The following AFAP1L2 variants were observed in gnomAD, a reference collection of about 807,000 sequenced individuals.
The protein encoded by AFAP1L2 is actin filament-associated protein 1-like 2.
AFAP1L2 carries 46 observed loss-of-function variants against 99.3 expected under a neutral mutation model. That is an observed-to-expected ratio of 0.46 (90% CI 0.37 to 0.59). The LOEUF (loss-of-function observed/expected upper bound fraction) is 0.59, where lower values mean the gene tolerates loss of function less well. Ranked by LOEUF, AFAP1L2 falls within the 20% of genes least tolerant of loss-of-function variation. The pLI is 0.00. For synonymous variants in AFAP1L2, 397 were observed against 419.1 expected (o/e 0.95, Z 0.64); for missense variants, 959 against 1,034.9 (o/e 0.93, Z 1.01).
chr10:114,326,231 T>C lies in AFAP1L2; in HGVS notation c.316-2970A>G, dbSNP rs144674502. Among the ~76,000 whole-genome samples the C allele has an allele frequency of 3.5e-3, 540 of 152,226 alleles. 4 individuals carry two copies. The highest frequency in any genetic ancestry group is 0.012 in the African/African-American group (493 of 41,524). On this transcript the variant is annotated intron_variant, in intron 4 of 18. Transcript: ENST00000304129. ...TCAGAGAAGTTTGAGCTACGCGAGG[T>C]GTGCAAAATGTATCAAGCCCAGGAG... is the stretch of plus-strand genomic sequence containing the variant.
downstream of AFAP1L2, chr10:114,291,102 G>A: frequency 8.2e-7 from 1 of 1,214,360 alleles, no homozygotes; most frequent in East Asian, 2.6e-5. Context: ...ATCTTCTGCT[G>A]GGGGCGAGGT....
chr10:114,376,027 C>T (rs1055502699), intron 1 of AFAP1L2, among the ~76,000 whole-genome samples: 1 of 152,074 alleles, frequency 6.6e-6, no homozygotes, highest in African/African-American at 2.4e-5. Flanking sequence ...ATACTCCAGT[C>T]CTCTAAGAGT....
intron 2 of AFAP1L2, among the ~76,000 whole-genome samples, chr10:114,337,940 C>T (rs115357601): frequency 2.9e-4 from 44 of 152,162 alleles, no homozygotes; most frequent in African/African-American, 9.7e-4. Flanking sequence ...TGTGTTCCCA[C>T]GATGGGCTGC....
chr10:114,362,348 T>C (rs1398921717), intron 1 of AFAP1L2, among the ~76,000 whole-genome samples: 1 of 152,168 alleles, frequency 6.6e-6, no homozygotes, highest in East Asian at 1.9e-4. Context: ...TGTAATTAGA[T>C]TAAGGATCTT....
chr10:114,378,941 G>C (rs1391735581), intron 1 of AFAP1L2, among the ~76,000 whole-genome samples: 1 of 152,086 alleles, frequency 6.6e-6, no homozygotes, highest in Non-Finnish European at 1.5e-5. Flanking sequence ...AACAGGCACA[G>C]CAGCTCATGC....
intron 1 of AFAP1L2, among the ~76,000 whole-genome samples, chr10:114,386,491 C>T (rs2056515803): frequency 6.6e-6 from 1 of 152,222 alleles, no homozygotes; most frequent in African/African-American, 2.4e-5. Flanking sequence ...TGCTTAATAT[C>T]AACAAGGCAG....
intron 2 of AFAP1L2, among the ~76,000 whole-genome samples, chr10:114,340,249 G>A (rs1002390200): frequency 1.1e-4 from 17 of 152,062 alleles, no homozygotes; most frequent in Non-Finnish European, 2.2e-4. Context: ...GAGCCCAGGA[G>A]GTTGAGGCTA....
At chr10:114,369,111 T>C (rs978610805) in intron 1 of AFAP1L2, among the ~76,000 whole-genome samples, 2 of 152,148 alleles carry the variant, frequency 1.3e-5, no homozygotes, top group African/African-American at 4.8e-5. Flanking sequence ...TGGGTGTTCC[T>C]CATGACAGTG....
chr10:114,284,405 A>G, the AFAP1L2 span, among the ~76,000 whole-genome samples: 1 of 152,198 alleles, frequency 6.6e-6, no homozygotes, highest in African/African-American at 2.4e-5. Context: ...TGCCGGAGGA[A>G]GTGGAAGAGG....
the AFAP1L2 span, chr10:114,285,003 CT>C: frequency 6.6e-7 from 1 of 1,510,650 alleles, no homozygotes; most frequent in Non-Finnish European, 8.9e-7. Context: ...AGACTGACCA[CT>C]GGGGAGCAAG....
In AFAP1L2 at chr10:114,295,488, C is replaced by T; in HGVS notation, c.*554G>A. The T allele has an allele frequency of 1.0e-6, 1 of 965,194 alleles. No homozygotes were observed. The highest frequency in any genetic ancestry group is 4.8e-5 in the South Asian group (1 of 20,914). The allele number at this position is 965,194 out of a possible 1,614,324, so 59.8% of individuals were successfully genotyped here. On this transcript the variant is annotated 3_prime_UTR_variant, in exon 19 of 19. Transcript: ENST00000304129. The stretch of plus-strand genomic sequence containing the variant: ...AAAACTCATGTCATAGATGGTTTTA[C>T]AGATGATGGTTTTACAGATGATGTC...
At chr10:114,305,723 C>A (rs2042191889) in intron 10 of AFAP1L2, among the ~76,000 whole-genome samples, 1 of 107,080 alleles carries the variant, frequency 9.3e-6, no homozygotes. Context: ...GACGGGGCTA[C>A]AGGAGGAGAT....
At chr10:114,374,451 G>A (rs763961329) in intron 1 of AFAP1L2, among the ~76,000 whole-genome samples, 1 of 152,160 alleles carries the variant, frequency 6.6e-6, no homozygotes, top group Admixed American at 6.5e-5. Flanking sequence ...CTGCCCTGGA[G>A]CCTCTTCATG....
chr10:114,389,763 G>A (rs1398475737), intron 1 of AFAP1L2, among the ~76,000 whole-genome samples: 2 of 152,220 alleles, frequency 1.3e-5, no homozygotes, highest in Admixed American at 6.5e-5. Context: ...GTCAAACGTA[G>A]GGATAGTCTG....
chr10:114,289,640 C>A, the AFAP1L2 span: 1 of 832,140 alleles, frequency 1.2e-6, no homozygotes, highest in East Asian at 2.5e-5. Context: ...CCCATGCTCA[C>A]ATAAAATCCT....
chr10:114,335,338 C>T (rs1016675477), intron 2 of AFAP1L2, among the ~76,000 whole-genome samples: 16 of 152,010 alleles, frequency 1.1e-4, no homozygotes, highest in South Asian at 2.1e-4. Flanking sequence ...TATGGCCGGG[C>T]ACGGTGGCTC....
chr10:114,285,000 C>G, the AFAP1L2 span: 1 of 1,516,530 alleles, frequency 6.6e-7, no homozygotes, highest in Non-Finnish European at 8.9e-7. Flanking sequence ...GCAAGACTGA[C>G]CACTGGGGAG....
At chr10:114,284,858 G>C in the AFAP1L2 span, 1 of 1,605,416 alleles carries the variant, frequency 6.2e-7, no homozygotes, top group South Asian at 1.1e-5. Context: ...GCATCTCTCT[G>C]ATAGGCCCCT....
chr10:114,368,397 G>A (rs201416115), intron 1 of AFAP1L2, among the ~76,000 whole-genome samples: 1 of 152,060 alleles, frequency 6.6e-6, no homozygotes, highest in South Asian at 2.1e-4. Flanking sequence ...AATAATAACA[G>A]CGTATTGGTT....
Sources: allele counts gnomAD v4.1 joint callset (sites outside exome capture counted in the v4.1 genomes callset), GRCh38; gene constraint gnomAD v4.1.1; transcripts MANE v1.5; gene names NCBI Gene and HGNC (gene_info 2026-07-23, HGNC 2026-07-21).